The following PELP1 variants were observed in gnomAD, a reference collection of about 807,000 sequenced individuals.
The protein encoded by PELP1 is proline-, glutamic acid- and leucine-rich protein 1.
A neutral mutation model predicts 95.5 loss-of-function variants in PELP1; 32 were observed. The ratio of observed to expected loss-of-function variants is 0.34; its 90% CI spans 0.25 to 0.45. The LOEUF is 0.45. Ranked by LOEUF, PELP1 falls within the 20% of genes least tolerant of loss-of-function variation. The pLI is 1.00. For synonymous variants in PELP1, 668 were observed against 600.1 expected (o/e 1.11, Z -1.65); for missense variants, 1,358 against 1,444.8 (o/e 0.94, Z 0.97).
intron 7 of PELP1, 80 bp from the exon 8 acceptor site, chr17:4,676,242 A>G: frequency 6.3e-7 from 1 of 1,586,778 alleles, no homozygotes; most frequent in Non-Finnish European, 8.6e-7. Context: ...ACCTGCCTGT[A>G]TTCTAACCCA....
intron 1 of PELP1, chr17:4,691,781 A>G: frequency 4.1e-6 from 1 of 246,014 alleles, no homozygotes; most frequent in East Asian, 9.1e-5. Flanking sequence ...CTAATAGGAG[A>G]CATCCATAAA....
Position 4,670,419 on chromosome 17 carries a change from T to C in PELP1, c.*1020A>G, listed in dbSNP as rs1200867436. ...CCAGCAAGGCCTAGAATAGGATTAGTGCTTAAAGAAAAGACACTGGGACAG... is the reference window on the plus strand; with the variant it reads ...CCAGCAAGGCCTAGAATAGGATTAGCGCTTAAAGAAAAGACACTGGGACAG... On this transcript the variant is annotated 3_prime_UTR_variant, in exon 17 of 17. Coordinates refer to ENST00000572293, the MANE Select transcript of PELP1 (RefSeq NM_014389.3). 1 of 152,212 alleles carries C rather than the reference T, an allele frequency of 6.6e-6. No homozygotes were observed. Among genetic ancestry groups the C allele is most frequent in the Admixed American group, 6.5e-5 (1 of 15,280 alleles). The allele number at this position is 152,212 out of a possible 1,614,324, so 9.4% of individuals were successfully genotyped here. A position where few individuals can be genotyped will look rare whatever the true frequency, so the allele number is the denominator to read the frequency against.
In PELP1 at chr17:4,691,415, T is replaced by C. The variant is rs754080056; in HGVS notation, c.277A>G (p.Ser93Gly). The change falls in exon 2 of 17, where the codon AGT becomes GGT. Residue 93 changes from serine to glycine, a missense_variant. Physicochemically the swap from Ser to Gly is moderately conservative, Grantham distance 56. This residue lies in a region of PELP1 where 169 missense variants were observed against 134.9 expected (regional missense o/e 1.25). Transcript: ENST00000572293. ...GAACTGAGACGTGCATTACTGAGAC[T>C]CACCAATGCCCCAAGAGCTGAAAGG... ...QNLSALGALV[S>G]LSNARLSSIK... 3.5e-5 allele frequency: 56 copies of C among 1,613,480 alleles called. No homozygotes were observed. The Admixed American group carries it at 5.5e-4, about 16-fold the overall frequency.
At chr17:4,702,585 A>T (rs1374390764) in intron 1 of PELP1, among the ~76,000 whole-genome samples, 1 of 152,208 alleles carries the variant, frequency 6.6e-6, no homozygotes, top group Non-Finnish European at 1.5e-5. Context: ...GATAGCAGAG[A>T]TATAGTTTTG....
rs570490093 is a variant in PELP1, at chr17:4,704,077, C to T, written c.35G>A (p.Gly12Asp). ...AAAVLSGPSA[G>D]SAAGVPGGTG... is the part of the protein sequence containing the mutation. ...CCCGCCAGGAACCCCAGCCGCGGAG[C>T]CCGCAGAGGGCCCACTCAGAACGGC... is the stretch of plus-strand genomic sequence containing the variant. Residue 12 changes from glycine (G) to aspartate (D), a missense_variant, in exon 1 of 17, where the codon GGC becomes GAC. Transcript: ENST00000572293. The T allele has an allele frequency of 6.2e-7, 1 of 1,611,284 alleles. No individual in the cohort carries two copies.
intron 1 of PELP1, among the ~76,000 whole-genome samples, chr17:4,693,586 G>A (rs1278333757): frequency 6.6e-6 from 1 of 152,160 alleles, no homozygotes; most frequent in South Asian, 2.1e-4. Context: ...TTGAACACGA[G>A]CACTGCAATA....
intron 1 of PELP1, among the ~76,000 whole-genome samples, chr17:4,702,632 C>G (rs2150568849): frequency 6.6e-6 from 1 of 152,228 alleles, no homozygotes; most frequent in African/African-American, 2.4e-5. Context: ...TAAAGACAAA[C>G]AGATAGGGTT....
chr17:4,701,674 G>T lies in PELP1; in HGVS notation c.249+2189C>A, dbSNP rs571927367. On this transcript the variant is annotated intron_variant, in intron 1 of 16. Transcript: ENST00000572293. ...GGATCCCCCTTGCTCGCAAGCTCCAGGTCTATTGCTGACTTTCATTTCTCA... is the reference window on the plus strand; with the variant it reads ...GGATCCCCCTTGCTCGCAAGCTCCATGTCTATTGCTGACTTTCATTTCTCA... 9.2e-5 allele frequency among the ~76,000 whole-genome samples: 14 copies of T among 152,316 alleles called. No homozygotes were observed. In the South Asian group the frequency reaches 2.9e-3, roughly 32 times the overall value.
Position 4,672,055 on chromosome 17 carries a change from G to C in PELP1, c.2936C>G (p.Pro979Arg). The change falls in exon 16 of 17, where the codon CCC becomes CGC. Residue 979 changes from proline (P) to arginine (R), a missense_variant. By Grantham distance (103) the Pro-to-Arg change is moderately radical. Around this residue, in one of 7 missense-constraint regions of PELP1, gnomAD observed 283 missense variants for 284.1 expected, o/e 1.00. Transcript: ENST00000572293. Reference protein sequence around the residue: ...GGEVEEGAPPPPTLPPALPPP... With the variant: ...GGEVEEGAPPRPTLPPALPPP... ...AGGCAGAGCTGGAGGCAGGGTTGGG[G>C]GTGGAGGTGCACCTTCTTCTACCTC... is the stretch of plus-strand genomic sequence containing the variant. 1 of 1,564,546 alleles carries C rather than the reference G, an allele frequency of 6.4e-7. No homozygotes were observed. Among genetic ancestry groups the C allele is most frequent in the Non-Finnish European group, 8.7e-7 (1 of 1,154,702 alleles).
intron 1 of PELP1, among the ~76,000 whole-genome samples, chr17:4,697,917 A>G (rs1370111975): frequency 2.0e-5 from 3 of 151,988 alleles, no homozygotes; most frequent in South Asian, 2.1e-4. Context: ...TCATACCTTT[A>G]TAACAGTGAA....
At position 4,671,887 on chromosome 17, in the gene PELP1, C is replaced by T; in HGVS notation, c.3104G>A (p.Gly1035Glu). The T allele has an allele frequency of 2.0e-6, 3 of 1,514,650 alleles. No individual in the cohort carries two copies. The highest frequency in any genetic ancestry group is 2.6e-6 in the Non-Finnish European group (3 of 1,135,104). 93.8% of individuals were successfully genotyped at this position (1,514,650 alleles called of 1,614,324 possible). A position where few individuals can be genotyped will look rare whatever the true frequency, so the allele number is the denominator to read the frequency against. Residue 1035 changes from glycine to glutamate, a missense_variant, in exon 16 of 17, where the codon GGA (glycine) becomes GAA (glutamate). Coordinates refer to ENST00000572293, the MANE Select transcript of PELP1 (RefSeq NM_014389.3). Reference protein sequence around the residue: ...TLAPEALPSQGEVEREGESPA... With the variant: ...TLAPEALPSQEEVEREGESPA... Reference sequence around the variant, plus strand: ...GCTTTCCCCTTCCCTCTCCACCTCTCCCTGGGAGGGGAGCGCTTCAGGGGC... The same window carrying T: ...GCTTTCCCCTTCCCTCTCCACCTCTTCCTGGGAGGGGAGCGCTTCAGGGGC...
intron 1 of PELP1, among the ~76,000 whole-genome samples, chr17:4,697,736 G>A (rs1450501160): frequency 1.3e-5 from 2 of 152,046 alleles, no homozygotes; most frequent in Non-Finnish European, 2.9e-5. Flanking sequence ...GCAGCATTTA[G>A]GCTAAAAGCC....
chr17:4,685,280 G>A (rs530158497), intron 3 of PELP1, among the ~76,000 whole-genome samples: 3 of 152,020 alleles, frequency 2.0e-5, no homozygotes, highest in East Asian at 3.9e-4. Flanking sequence ...CTCCTCCCTC[G>A]TCCCTCAAGT....
intron 16 of PELP1, 45 bp from the exon 17 acceptor site, chr17:4,671,576 TA>T (rs1567659001): frequency 1.2e-6 from 2 of 1,610,788 alleles, no homozygotes; most frequent in Non-Finnish European, 1.7e-6. Flanking sequence ...CACACACACA[TA>T]CACAGAAGAA....
intron 1 of PELP1, among the ~76,000 whole-genome samples, chr17:4,693,823 C>T (rs966629030): frequency 2.0e-5 from 3 of 152,158 alleles, no homozygotes; most frequent in Non-Finnish European, 4.4e-5. Context: ...TTTCAGACCA[C>T]GGTTGACCAC....
intron 13 of PELP1, 25 bp downstream of exon 13, chr17:4,674,485 G>T: frequency 1.3e-6 from 2 of 1,599,356 alleles, no homozygotes; most frequent in Non-Finnish European, 1.7e-6. Flanking sequence ...GAGCCCCAGT[G>T]GTCCAGGGCA....
intron 7 of PELP1, 33 bp downstream of exon 7, chr17:4,676,324 A>G: frequency 1.1e-5 from 18 of 1,605,692 alleles, no homozygotes; most frequent in Non-Finnish European, 1.5e-5. Context: ...CTTCCTCACT[A>G]TTGTTCCACT....
Position 4,672,129 on chromosome 17 carries a change from T to C in PELP1, c.2862A>G (p.Glu954=), listed in dbSNP as rs1004594912. 16 of 1,552,564 alleles carry C rather than the reference T, an allele frequency of 1.0e-5. No individual in the cohort carries two copies. The highest frequency in any genetic ancestry group is 5.5e-5 in the African/African-American group (4 of 72,918). ...EEEEEEDEEE[E]EELEEVEDLE... ...GGTCTTCCACCTCTTCCAGTTCTTC[T>C]TCCTCCTCCTCATCCTCCTCTTCTT... is the stretch of plus-strand genomic sequence containing the variant. The change falls in exon 16 of 17, where the codon GAA becomes GAG. Residue 954 remains glutamate (E), a synonymous_variant. Coordinates refer to ENST00000572293, the MANE Select transcript of PELP1 (RefSeq NM_014389.3).
In PELP1 at chr17:4,673,225, G is replaced by A; in HGVS notation, c.1845+25C>T. The A allele has an allele frequency of 1.3e-6, 2 of 1,549,386 alleles. No individual in the cohort carries two copies. The highest frequency in any genetic ancestry group is 1.7e-6 in the Non-Finnish European group (2 of 1,143,096). On this transcript the variant is annotated intron_variant, in intron 15 of 16. Transcript: ENST00000572293. The surrounding 1 kb of genome is among the most constrained non-coding windows in gnomAD (Gnocchi z 5.7). ...GAAACAAGAGACTCCAGGAACCAAAGAGGGGCTTGGCCCATCACAGTTACC... is the reference window on the plus strand; with the variant it reads ...GAAACAAGAGACTCCAGGAACCAAAAAGGGGCTTGGCCCATCACAGTTACC...
Sources: gnomAD v4.1 joint callset for allele counts (sites outside exome capture counted in the v4.1 genomes callset) on GRCh38, gnomAD v4.1.1 for gene constraint, gnomAD v4.1.1 regional missense constraint, Gnocchi (gnomAD v3.1) non-coding constraint, MANE v1.5 for transcripts, NCBI Gene and HGNC (gene_info 2026-07-23, HGNC 2026-07-21) for gene names.